The following ATP2A2 variants were observed in gnomAD, a reference collection of about 807,000 sequenced individuals.
The protein encoded by ATP2A2 is sarcoplasmic/endoplasmic reticulum calcium ATPase 2.
ATP2A2 carries 14 observed loss-of-function variants against 109.3 expected under a neutral mutation model. The ratio of observed to expected loss-of-function variants is 0.13; its 90% CI spans 0.08 to 0.20. The LOEUF (loss-of-function observed/expected upper bound fraction) is 0.20, where lower values mean the gene tolerates loss of function less well. Ranked by LOEUF, ATP2A2 falls within the 10% of genes least tolerant of loss-of-function variation. ATP2A2 has a pLI of 1.00. For missense variants in ATP2A2, 657 were observed against 1,321.6 expected, an observed-to-expected ratio of 0.50 and a Z score of 7.80; for synonymous variants, 506 against 490.9, an observed-to-expected ratio of 1.03 and a Z score of -0.41.
chr12:110,319,753 G>C (rs966369833), intron 5 of ATP2A2, among the ~76,000 whole-genome samples: 2 of 151,382 alleles, frequency 1.3e-5, no homozygotes, highest in African/African-American at 4.8e-5. Context: ...GTATCTATTA[G>C]TGTTAGGTAG....
chr12:110,315,911 C>A (rs1007105971), intron 5 of ATP2A2, among the ~76,000 whole-genome samples: 6 of 152,136 alleles, frequency 3.9e-5, no homozygotes, highest in African/African-American at 9.7e-5. Context: ...TGTGCTCCAG[C>A]CTGGGTGACA....
chr12:110,284,901 G>C (rs1342534353), intron 3 of ATP2A2, among the ~76,000 whole-genome samples: 1 of 152,164 alleles, frequency 6.6e-6, no homozygotes, highest in African/African-American at 2.4e-5. Flanking sequence ...TTTTCTTCAT[G>C]TGGGGTTGGG....
Position 110,348,516 on chromosome 12 carries a change from A to G in ATP2A2, c.*2046A>G, listed in dbSNP as rs1307783288. 2.8e-5 allele frequency: 28 copies of G among 985,382 alleles called. No individual in the cohort carries two copies. The highest frequency in any genetic ancestry group is 3.3e-5 in the Non-Finnish European group (27 of 830,022). The allele number at this position is 985,382 out of a possible 1,614,324, so 61.0% of individuals were successfully genotyped here. ...CATCAAGCAGGACAAGGTGCTGCTG[A>G]GTTCAGAGGGCCCACGTTCAAGGGA... On this transcript the variant is annotated 3_prime_UTR_variant, in exon 20 of 20. Transcript: ENST00000539276.
In ATP2A2 at chr12:110,350,875, A is replaced by C. The variant is rs990065049; in HGVS notation, c.*4405A>C. ...GCAGACAGCTATTTCGCACTGTATT[A>C]AATGTAACTTATTTAATGAAATCAG... On this transcript the variant is annotated 3_prime_UTR_variant, in exon 20 of 20. Coordinates refer to ENST00000539276, the MANE Select transcript of ATP2A2 (RefSeq NM_170665.4). The C allele has an allele frequency of 2.6e-5, 4 of 156,010 alleles. No homozygotes were observed. The highest frequency in any genetic ancestry group is 9.6e-5 in the African/African-American group (4 of 41,484). The allele number at this position is 156,010 out of a possible 1,614,324, so 9.7% of individuals were successfully genotyped here. A position where few individuals can be genotyped will look rare whatever the true frequency, so the allele number is the denominator to read the frequency against.
At chr12:110,341,556 G>A (rs926309545) in intron 14 of ATP2A2, among the ~76,000 whole-genome samples, 5 of 152,184 alleles carry the variant, frequency 3.3e-5, no homozygotes, top group Non-Finnish European at 4.4e-5. Flanking sequence ...TCTGTAGACA[G>A]TATTATTTTT....
intron 3 of ATP2A2, among the ~76,000 whole-genome samples, chr12:110,290,116 A>C (rs1327647858): frequency 6.6e-6 from 1 of 152,266 alleles, no homozygotes; most frequent in Non-Finnish European, 1.5e-5. Flanking sequence ...TAACCTACAA[A>C]ATACACTTCG....
intron 8 of ATP2A2, 119 bp from the exon 9 acceptor site, chr12:110,332,477 AG>A: frequency 3.5e-6 from 3 of 866,742 alleles, no homozygotes; most frequent in Non-Finnish European, 2.0e-6. Context: ...GTTTTATTAA[AG>A]TTGTTTTCGT....
intron 4 of ATP2A2, among the ~76,000 whole-genome samples, chr12:110,294,103 G>T (rs1284487440): frequency 6.6e-6 from 1 of 151,756 alleles, no homozygotes; most frequent in Non-Finnish European, 1.5e-5. Flanking sequence ...GAGTGCAGTG[G>T]CATGATCTTG....
chr12:110,331,515 A>G (rs1481683411), intron 8 of ATP2A2: 1 of 152,002 alleles, frequency 6.6e-6, no homozygotes, highest in Non-Finnish European at 1.5e-5. Flanking sequence ...AATTTGTTAT[A>G]TTTTTAGTAG....
chr12:110,327,972 A>G lies in ATP2A2; in HGVS notation c.1050A>G (p.Ser350=), dbSNP rs1365868142. Residue 350 remains serine (S), a synonymous_variant, in exon 8 of 20, where the codon TCA becomes TCG. Transcript: ENST00000539276. This position sits in a 1 kb window ranked among gnomAD's most constrained non-coding sequence, Gnocchi z 4.4. ...ETLGCTSVIC[S]DKTGTLTTNQ... ...TTGGTTGTACTTCTGTTATCTGCTC[A>G]GACAAGACTGGTACACTTACAACAA... is the stretch of plus-strand genomic sequence containing the variant. 5 of 1,614,022 alleles carry G rather than the reference A, an allele frequency of 3.1e-6. No individual in the cohort carries two copies. In the Admixed American group the frequency reaches 6.7e-5, roughly 22 times the overall value.
chr12:110,282,435 C>G (rs978448254), intron 1 of ATP2A2, among the ~76,000 whole-genome samples, 169 bp from the exon 2 acceptor site: 1 of 152,112 alleles, frequency 6.6e-6, no homozygotes, highest in African/African-American at 2.4e-5. Context: ...GTGGTATGCC[C>G]TCTGCTAAAA....
chr12:110,282,682 C>T (rs1566195830), intron 2 of ATP2A2, 31 bp from the exon 3 acceptor site: 1 of 1,613,386 alleles, frequency 6.2e-7, no homozygotes, highest in East Asian at 2.2e-5. Context: ...GGTAAGATGA[C>T]AGTTAAAACA....
In ATP2A2 at chr12:110,282,783, A is replaced by G. The variant is rs1012829381; in HGVS notation, c.207A>G (p.Ala69=). 1.2e-6 allele frequency: 2 copies of G among 1,613,168 alleles called. No individual in the cohort carries two copies. Among genetic ancestry groups the G allele is most frequent in the Admixed American group, 1.7e-5 (1 of 60,002 alleles). ...DLLVRILLLA[A]CISFVLAWFE... ...TAGTTAGGATTTTATTACTGGCAGC[A>G]TGTATATCTTTTGTAAGTATAAAAA... Residue 69 remains alanine, a synonymous_variant, in exon 3 of 20, where the codon GCA becomes GCG. Coordinates refer to ENST00000539276, the MANE Select transcript of ATP2A2 (RefSeq NM_170665.4).
At chr12:110,328,426 C>G (rs1015449136) in intron 8 of ATP2A2, among the ~76,000 whole-genome samples, 1 of 152,066 alleles carries the variant, frequency 6.6e-6, no homozygotes, top group African/African-American at 2.4e-5. Flanking sequence ...CAAAAATTAG[C>G]TGAGTGGTGG....
chr12:110,301,781 C>T (rs1489225888), intron 5 of ATP2A2, among the ~76,000 whole-genome samples: 2 of 152,200 alleles, frequency 1.3e-5, no homozygotes, highest in Non-Finnish European at 2.9e-5. Context: ...TGTGTATGTA[C>T]CTCCTGCTTT....
intron 5 of ATP2A2, among the ~76,000 whole-genome samples, chr12:110,300,351 CTTTTTT>C (rs34894637): frequency 1.9e-5 from 2 of 104,436 alleles, no homozygotes; most frequent in East Asian, 2.3e-4. Flanking sequence ...CCATGCCCAG[CTTTTTT>C]TTTTTTTTTT....
intron 5 of ATP2A2, among the ~76,000 whole-genome samples, chr12:110,307,480 C>G (rs1423690457): frequency 6.6e-6 from 1 of 152,046 alleles, no homozygotes; most frequent in East Asian, 1.9e-4. Context: ...GTGATCCTCC[C>G]ACCTCAGCTT....
At chr12:110,335,657 C>T (rs907202235) in intron 11 of ATP2A2, among the ~76,000 whole-genome samples, 2 of 152,182 alleles carry the variant, frequency 1.3e-5, no homozygotes, top group African/African-American at 4.8e-5. Flanking sequence ...GTGGGTCAGT[C>T]GGTCACGTGG....
At chr12:110,323,351 A>T (rs906959890) in intron 6 of ATP2A2, among the ~76,000 whole-genome samples, 6 of 152,032 alleles carry the variant, frequency 3.9e-5, no homozygotes, top group African/African-American at 1.4e-4. Flanking sequence ...TGCCCAGCTA[A>T]TTTTTGTATT....
Sources: gnomAD v4.1 joint callset for allele counts (sites outside exome capture counted in the v4.1 genomes callset) on GRCh38, gnomAD v4.1.1 for gene constraint, Gnocchi (gnomAD v3.1) non-coding constraint, MANE v1.5 for transcripts, NCBI Gene and HGNC (gene_info 2026-07-23, HGNC 2026-07-21) for gene names.